The following ACTR3C variants were observed in gnomAD, a reference collection of about 807,000 sequenced individuals.
ACTR3C encodes actin related protein 3C, also known as actin-related protein 3C.
Under a neutral mutation model 26.3 loss-of-function variants are expected in ACTR3C, and 18 were observed. The observed-to-expected ratio is 0.68, with a 90% confidence interval of 0.47 to 1.01. The LOEUF (loss-of-function observed/expected upper bound fraction) is 1.01, where lower values mean the gene tolerates loss of function less well. Among genes scored for constraint, ACTR3C ranks in the 50% least tolerant of loss-of-function variants. ACTR3C has a pLI of 0.00. For synonymous variants in ACTR3C, 55 were observed against 94.5 expected (o/e 0.58, Z 2.42); for missense variants, 184 against 250.7 (o/e 0.73, Z 1.80).
At chr7:150,035,461 G>C in the ACTR3C span, among the ~76,000 whole-genome samples, 29 of 55,136 alleles carry the variant, frequency 5.3e-4, no homozygotes, top group Middle Eastern at 0.01. Context: ...TGCCTCCCCC[G>C]TTGCGATGGG....
At chr7:150,169,249 GACA>G in the ACTR3C span, among the ~76,000 whole-genome samples, 1 of 150,302 alleles carries the variant, frequency 6.7e-6, no homozygotes, top group Non-Finnish European at 1.5e-5. Context: ...TGGGCATGGT[GACA>G]GGCACCTGTA....
At chr7:150,044,530 G>A in the ACTR3C span, among the ~76,000 whole-genome samples, 1 of 152,120 alleles carries the variant, frequency 6.6e-6, no homozygotes, top group Non-Finnish European at 1.5e-5. Context: ...CCACACAGTT[G>A]GGAAGTCCCT....
chr7:149,916,106 C>T, the ACTR3C span, among the ~76,000 whole-genome samples: 1 of 91,142 alleles, frequency 1.1e-5, no homozygotes, highest in African/African-American at 3.2e-5. Flanking sequence ...TAAATTAATC[C>T]CTTCATTCCT....
chr7:150,043,590 C>T, the ACTR3C span, among the ~76,000 whole-genome samples: 52 of 152,306 alleles, frequency 3.4e-4, no homozygotes, highest in East Asian at 5.8e-3. Flanking sequence ...ACTTTGTAGG[C>T]GCCAGTGGGA....
At chr7:150,315,272 C>T (rs576544113) in intron 1 of ACTR3C, among the ~76,000 whole-genome samples, 50 of 151,994 alleles carry the variant, frequency 3.3e-4, no homozygotes, top group African/African-American at 1.2e-3. Flanking sequence ...TAAAATTGAA[C>T]GTCATCGTGA....
the ACTR3C span, among the ~76,000 whole-genome samples, chr7:150,119,057 A>G: frequency 6.6e-6 from 1 of 152,214 alleles, no homozygotes; most frequent in Non-Finnish European, 1.5e-5. Context: ...TGTCACCACC[A>G]GGCCTGCCCT....
chr7:150,250,633 A>G (rs1041988853), intron 6 of ACTR3C, among the ~76,000 whole-genome samples: 1 of 151,886 alleles, frequency 6.6e-6, no homozygotes, highest in Non-Finnish European at 1.5e-5. Context: ...AGTGGAGGGG[A>G]GAAGCCAGTG....
chr7:150,135,947 A>C, the ACTR3C span, among the ~76,000 whole-genome samples: 1 of 152,256 alleles, frequency 6.6e-6, no homozygotes, highest in African/African-American at 2.4e-5. Flanking sequence ...GCCAGCTCTC[A>C]CGCAACCTGC....
the ACTR3C span, among the ~76,000 whole-genome samples, chr7:150,056,300 G>T: frequency 6.6e-6 from 1 of 151,998 alleles, no homozygotes; most frequent in Non-Finnish European, 1.5e-5. Flanking sequence ...CATATATGTG[G>T]GTTCTCATTA....
At chr7:150,055,350 C>A in the ACTR3C span, among the ~76,000 whole-genome samples, 1 of 152,208 alleles carries the variant, frequency 6.6e-6, no homozygotes, top group Non-Finnish European at 1.5e-5. Flanking sequence ...TTCATGGCAC[C>A]AAGGTGACCT....
At chr7:150,292,575 A>G (rs1399758321) in intron 3 of ACTR3C, among the ~76,000 whole-genome samples, 1 of 146,254 alleles carries the variant, frequency 6.8e-6, no homozygotes, top group Non-Finnish European at 1.5e-5. Context: ...ATCTCGGCTC[A>G]CTGCAACCTC....
the ACTR3C span, among the ~76,000 whole-genome samples, chr7:150,035,576 A>G: frequency 5.0e-5 from 6 of 119,828 alleles, no homozygotes; most frequent in East Asian, 2.4e-4. Flanking sequence ...GGGGGGGAAG[A>G]GGGACTGGCT....
the ACTR3C span, among the ~76,000 whole-genome samples, chr7:150,213,462 A>G: frequency 6.6e-6 from 1 of 152,246 alleles, no homozygotes; most frequent in Non-Finnish European, 1.5e-5. Flanking sequence ...CTTCATAAAG[A>G]TATAAAGTCT....
chr7:150,269,419 C>G (rs190746995), intron 6 of ACTR3C, among the ~76,000 whole-genome samples: 1 of 149,008 alleles, frequency 6.7e-6, no homozygotes, highest in African/African-American at 2.5e-5. Flanking sequence ...CAAACCCCCC[C>G]ACCCGTGGGC....
At chr7:150,178,290 T>C in the ACTR3C span, among the ~76,000 whole-genome samples, 6 of 148,984 alleles carry the variant, frequency 4.0e-5, no homozygotes, top group African/African-American at 1.5e-4. Context: ...CTTTTTTTTT[T>C]TTTTTTTTTG....
the ACTR3C span, among the ~76,000 whole-genome samples, chr7:150,025,530 G>A: frequency 1.3e-5 from 2 of 151,988 alleles, no homozygotes; most frequent in African/African-American, 4.8e-5. Context: ...CCAGCAGTAA[G>A]ACAACGGTGT....
chr7:150,160,744 C>A, the ACTR3C span, among the ~76,000 whole-genome samples: 1 of 151,762 alleles, frequency 6.6e-6, no homozygotes, highest in African/African-American at 2.4e-5. Flanking sequence ...AGTCTCACAC[C>A]CACTCTACCT....
At chr7:150,126,018 A>G in the ACTR3C span, among the ~76,000 whole-genome samples, 791 of 152,330 alleles carry the variant, frequency 5.2e-3, 6 homozygotes, top group African/African-American at 0.018. Context: ...CAAAATAAAC[A>G]GCTGACTGCC....
chr7:150,042,053 A>AG, the ACTR3C span, among the ~76,000 whole-genome samples: 5 of 96,280 alleles, frequency 5.2e-5, no homozygotes, highest in Non-Finnish European at 1.1e-4. Flanking sequence ...GGGGGGTCCT[A>AG]AGCCAGGGGG....
Sources: gnomAD v4.1 joint callset for allele counts (sites outside exome capture counted in the v4.1 genomes callset) on GRCh38, gnomAD v4.1.1 for gene constraint, MANE v1.5 for transcripts, NCBI Gene and HGNC (gene_info 2026-07-23, HGNC 2026-07-21) for gene names.